NRTN: variants seen among roughly 807,000 people sequenced by gnomAD.
NRTN encodes the protein neurturin.
Under a neutral mutation model 7.5 loss-of-function variants are expected in NRTN, and 3 were observed. That is an observed-to-expected ratio of 0.40 (90% CI 0.18 to 1.03). NRTN has a LOEUF of 1.03. Ranked by LOEUF, NRTN falls within the 50% of genes least tolerant of loss-of-function variation. NRTN has a pLI of 0.34. For missense variants in NRTN, 310 were observed against 307.0 expected, an observed-to-expected ratio of 1.01 and a Z score of -0.07; for synonymous variants, 157 against 146.6, an observed-to-expected ratio of 1.07 and a Z score of -0.51.
intron 1 of NRTN, among the ~76,000 whole-genome samples, chr19:5,819,482 T>C (rs1401587651): frequency 6.6e-6 from 1 of 152,082 alleles, no homozygotes; most frequent in Non-Finnish European, 1.5e-5. Context: ...ACCAACATGG[T>C]GAAACCCCAT....
intron 1 of NRTN, among the ~76,000 whole-genome samples, chr19:5,813,829 G>T (rs1408703882): frequency 6.6e-6 from 1 of 151,740 alleles, no homozygotes; most frequent in East Asian, 1.9e-4. Context: ...GACAGAGTGA[G>T]ACTCTGTCTC....
chr19:5,817,141 G>A (rs1346705917), intron 1 of NRTN, among the ~76,000 whole-genome samples: 3 of 151,900 alleles, frequency 2.0e-5, no homozygotes, highest in Admixed American at 6.6e-5. Context: ...GTTTGAGACC[G>A]CCTGAGCAAC....
At chr19:5,817,107 C>G (rs927355230) in intron 1 of NRTN, among the ~76,000 whole-genome samples, 8 of 151,394 alleles carry the variant, frequency 5.3e-5, no homozygotes, top group Non-Finnish European at 1.2e-4. Context: ...GAGGCTGAGG[C>G]GGGAGGATTG....
chr19:5,812,612 C>G (rs1264193508), intron 1 of NRTN, among the ~76,000 whole-genome samples: 1 of 152,232 alleles, frequency 6.6e-6, no homozygotes, highest in African/African-American at 2.4e-5. Flanking sequence ...CTGCCTCATC[C>G]CTCCCATGGG....
chr19:5,820,585 T>A, intron 1 of NRTN, among the ~76,000 whole-genome samples: 1 of 138,030 alleles, frequency 7.2e-6, no homozygotes, highest in African/African-American at 2.8e-5. Flanking sequence ...AAAAATTACT[T>A]AGACATGGTG....
chr19:5,824,418 G>A (rs3889795), intron 2 of NRTN, 84 bp downstream of exon 2: 6 of 1,499,038 alleles, frequency 4.0e-6, no homozygotes, highest in African/African-American at 1.4e-5. Flanking sequence ...TGGTGGGGGG[G>A]TGTCATAGGT....
chr19:5,824,130 G>C lies in NRTN; in HGVS notation c.-36G>C. The C allele has an allele frequency of 7.5e-6, 12 of 1,600,628 alleles. No individual in the cohort carries two copies. The highest frequency in any genetic ancestry group is 1.0e-5 in the Non-Finnish European group (12 of 1,179,650). On this transcript the variant is annotated 5_prime_UTR_variant, in exon 2 of 3. Coordinates refer to ENST00000303212, the MANE Select transcript of NRTN (RefSeq NM_004558.5). ...GTTGGCTGCTGGAGGGACAGACGGGGCGTGCGGCTGACCATCCCGTGCCCG... is the reference window on the plus strand; with the variant it reads ...GTTGGCTGCTGGAGGGACAGACGGGCCGTGCGGCTGACCATCCCGTGCCCG...
At position 5,827,613 on chromosome 19, in the gene NRTN, GGAGT is replaced by G. The variant is rs566283444; in HGVS notation, c.170-132_170-129del. The G allele has an allele frequency of 3.2e-3, 951 of 296,828 alleles. 5 individuals carry two copies. Among genetic ancestry groups the G allele is most frequent in the Non-Finnish European group, 4.5e-3 (825 of 184,940 alleles). 18.4% of individuals were successfully genotyped at this position (296,828 alleles called of 1,614,324 possible). On this transcript the variant is annotated intron_variant, in intron 2 of 2. Coordinates refer to ENST00000303212, the MANE Select transcript of NRTN (RefSeq NM_004558.5). ...AGAGGGTGGGGAAATTTGGGACCTGGGAGTGAGACGAGAAGCCGTCTAGGCCTGG... is the reference window on the plus strand; with the variant it reads ...AGAGGGTGGGGAAATTTGGGACCTGGGAGACGAGAAGCCGTCTAGGCCTGG...
chr19:5,817,128 A>G (rs2057007381), intron 1 of NRTN, among the ~76,000 whole-genome samples: 1 of 151,478 alleles, frequency 6.6e-6, no homozygotes. Flanking sequence ...CTTGAGGCCA[A>G]GAGTTTGAGA....
Position 5,828,031 on chromosome 19 carries a change from G to C in NRTN, c.452G>C (p.Arg151Pro), listed in dbSNP as rs1006746085. The change falls in exon 3 of 3, where the codon CGG (arginine) becomes CCG (proline). Residue 151 changes from arginine (R) to proline (P), a missense_variant. Transcript: ENST00000303212. Reference protein sequence around the residue: ...YDLGLRRLRQRRRLRRERVRA... With the variant: ...YDLGLRRLRQPRRLRRERVRA... ...CTCGGGCTGCGACGACTGCGCCAGCGGCGGCGCCTGCGGCGGGAGCGGGTG... is the reference window on the plus strand; with the variant it reads ...CTCGGGCTGCGACGACTGCGCCAGCCGCGGCGCCTGCGGCGGGAGCGGGTG... 2 of 1,418,884 alleles carry C rather than the reference G, an allele frequency of 1.4e-6. No individual in the cohort carries two copies. Among genetic ancestry groups the C allele is most frequent in the South Asian group, 1.5e-5 (1 of 67,430 alleles). The allele number at this position is 1,418,884 out of a possible 1,614,324, so 87.9% of individuals were successfully genotyped here. A position where few individuals can be genotyped will look rare whatever the true frequency, so the allele number is the denominator to read the frequency against.
intron 1 of NRTN, among the ~76,000 whole-genome samples, chr19:5,817,030 G>T (rs2057007149): frequency 6.6e-6 from 1 of 152,080 alleles, no homozygotes. Context: ...ATGGGATCAT[G>T]TTTGGGTGTA....
At position 5,824,017 on chromosome 19, in the gene NRTN, G is replaced by A. The variant is rs1160086629; in HGVS notation, c.-149G>A. The A allele has an allele frequency of 1.9e-6, 2 of 1,052,830 alleles. No homozygotes were observed. Among genetic ancestry groups the A allele is most frequent in the Non-Finnish European group, 2.8e-6 (2 of 710,160 alleles). The allele number at this position is 1,052,830 out of a possible 1,614,324, so 65.2% of individuals were successfully genotyped here. On this transcript the variant is annotated 5_prime_UTR_variant, in exon 2 of 3. Transcript: ENST00000303212. ...CCTTCCTTGTTCAATGGTTCCTTGAGGGACCATTCCCATGTGATTATCGAC... is the reference window on the plus strand; with the variant it reads ...CCTTCCTTGTTCAATGGTTCCTTGAAGGACCATTCCCATGTGATTATCGAC...
At chr19:5,814,002 C>T (rs758760297) in intron 1 of NRTN, among the ~76,000 whole-genome samples, 1 of 151,890 alleles carries the variant, frequency 6.6e-6, no homozygotes, top group Non-Finnish European at 1.5e-5. Flanking sequence ...AGCCAGACTC[C>T]GTCTCAAAAA....
Position 5,828,124 on chromosome 19 carries a change from G to A in NRTN, c.545G>A (p.Arg182His). ...DEVSFLDAHS[R>H]YHTVHELSAR... is the part of the protein sequence containing the mutation. ...GTGTCCTTCCTGGACGCGCACAGCC[G>A]CTACCACACGGTGCACGAGCTGTCG... The change falls in exon 3 of 3, where the codon CGC becomes CAC. Residue 182 changes from arginine (R) to histidine (H), a missense_variant. Coordinates refer to ENST00000303212, the MANE Select transcript of NRTN (RefSeq NM_004558.5). The A allele has an allele frequency of 1.3e-6, 2 of 1,507,900 alleles. No homozygotes were observed. Among genetic ancestry groups the A allele is most frequent in the Admixed American group, 2.1e-5 (1 of 47,222 alleles). The allele number at this position is 1,507,900 out of a possible 1,614,324, so 93.4% of individuals were successfully genotyped here. A position where few individuals can be genotyped will look rare whatever the true frequency, so the allele number is the denominator to read the frequency against.
At chr19:5,811,323 A>G (rs75397041) in intron 1 of NRTN, among the ~76,000 whole-genome samples, 5,868 of 152,226 alleles carry the variant, frequency 0.039, 379 homozygotes, top group African/African-American at 0.13. Context: ...GTCTTTGAGG[A>G]ATGAGTAGGA....
chr19:5,827,438 G>C (rs2057050644), intron 2 of NRTN, among the ~76,000 whole-genome samples: 1 of 152,092 alleles, frequency 6.6e-6, no homozygotes, highest in African/African-American at 2.4e-5. Context: ...AAGGTGAGAC[G>C]GGCTGGAAAG....
At chr19:5,813,228 T>A (rs1297525094) in intron 1 of NRTN, among the ~76,000 whole-genome samples, 4 of 151,132 alleles carry the variant, frequency 2.6e-5, no homozygotes, top group Non-Finnish European at 5.9e-5. Context: ...AAATTTTTTT[T>A]AATTTAAAAA....
Position 5,822,245 on chromosome 19 carries a change from A to T in NRTN, c.-398-1523A>T, listed in dbSNP as rs534252815. ...AATAAATCTCTGGGTGGTGCAGGGC[A>T]GCGTGCAAGGCTGGAGGTACAAGGT... On this transcript the variant is annotated intron_variant, in intron 1 of 2. Transcript: ENST00000303212. Among the ~76,000 whole-genome samples, 7 of 64,528 alleles carry T rather than the reference A, an allele frequency of 1.1e-4. No homozygotes were observed. The East Asian group carries it at 6.3e-3, about 58-fold the overall frequency. 42.3% of individuals were successfully genotyped at this position (64,528 alleles called of 152,430 possible). A position where few individuals can be genotyped will look rare whatever the true frequency, so the allele number is the denominator to read the frequency against.
chr19:5,824,139 T>C lies in NRTN; in HGVS notation c.-27T>C. On this transcript the variant is annotated 5_prime_UTR_variant, in exon 2 of 3. Transcript: ENST00000303212. The stretch of plus-strand genomic sequence containing the variant: ...TGGAGGGACAGACGGGGCGTGCGGC[T>C]GACCATCCCGTGCCCGCAGGCTGAG... 6.2e-7 allele frequency: 1 copy of C among 1,602,348 alleles called. No homozygotes were observed. Among genetic ancestry groups the C allele is most frequent in the Non-Finnish European group, 8.5e-7 (1 of 1,179,752 alleles).
Sources: allele counts gnomAD v4.1 joint callset (sites outside exome capture counted in the v4.1 genomes callset), GRCh38; gene constraint gnomAD v4.1.1; transcripts MANE v1.5; gene names NCBI Gene and HGNC (gene_info 2026-07-23, HGNC 2026-07-21).